IQUB: variants seen among roughly 807,000 people sequenced by gnomAD.
IQUB encodes IQ motif and ubiquitin domain containing.
A neutral mutation model predicts 86.4 loss-of-function variants in IQUB; 86 were observed. The observed-to-expected ratio is 1.00, with a 90% CI of 0.84 to 1.19. The LOEUF is 1.19. IQUB is among the 50% of genes most tolerant of loss of function. IQUB has a pLI of 0.00. For missense variants in IQUB, 946 were observed against 916.9 expected, an observed-to-expected ratio of 1.03 and a Z score of -0.41; for synonymous variants, 289 against 304.5, an observed-to-expected ratio of 0.95 and a Z score of 0.53.
At chr7:123,525,096 G>A (rs935762978) in intron 1 of IQUB, among the ~76,000 whole-genome samples, 2 of 152,106 alleles carry the variant, frequency 1.3e-5, no homozygotes, top group African/African-American at 2.4e-5. Context: ...TGCTGGATTC[G>A]GTTTGCCAGT....
At chr7:123,530,176 C>T (rs1179750707) in intron 1 of IQUB, among the ~76,000 whole-genome samples, 1 of 152,176 alleles carries the variant, frequency 6.6e-6, no homozygotes, top group African/African-American at 2.4e-5. Flanking sequence ...CACTGCATTC[C>T]AGCCTGGGCA....
At position 123,461,625 on chromosome 7, in the gene IQUB, A is replaced by T. The variant is rs770350920; in HGVS notation, c.1759-20T>A. 2 of 1,540,090 alleles carry T rather than the reference A, an allele frequency of 1.3e-6. No individual in the cohort carries two copies. Among genetic ancestry groups the T allele is most frequent in the Non-Finnish European group, 1.7e-6 (2 of 1,145,534 alleles). On this transcript the variant is annotated intron_variant, in intron 10 of 12. Transcript: ENST00000324698. ...AGGGACCTAAATAAATAGTAAAAAAAGAAAAAAAAGGTCTAAAAAGCCAGG... is the reference window on the plus strand; with the variant it reads ...AGGGACCTAAATAAATAGTAAAAAATGAAAAAAAAGGTCTAAAAAGCCAGG...
At position 123,452,218 on chromosome 7, in the gene IQUB, A is replaced by AT. The variant is rs1793452364; in HGVS notation, c.*524dup. On this transcript the variant is annotated 3_prime_UTR_variant, in exon 13 of 13. Coordinates refer to ENST00000324698, the MANE Select transcript of IQUB (RefSeq NM_178827.5). ...TAGTTTCAAGTGTTGTTTTATTGGG[A>AT]TTATGAGAAGGATGGAAGGTGAAAG... Among the ~76,000 whole-genome samples the AT allele has an allele frequency of 6.6e-6, 1 of 152,142 alleles. No homozygotes were observed. Among genetic ancestry groups the AT allele is most frequent in the Non-Finnish European group, 1.5e-5 (1 of 68,030 alleles).
At chr7:123,490,280 C>A (rs1053278248) in intron 7 of IQUB, among the ~76,000 whole-genome samples, 4 of 151,746 alleles carry the variant, frequency 2.6e-5, no homozygotes, top group African/African-American at 9.7e-5. Context: ...GATTTAACAG[C>A]AAAAAATATC....
chr7:123,491,816 T>C (rs372579518), intron 7 of IQUB, among the ~76,000 whole-genome samples: 1 of 152,122 alleles, frequency 6.6e-6, no homozygotes, highest in Non-Finnish European at 1.5e-5. Context: ...CAGAGGAGAT[T>C]AGCATTATCC....
intron 1 of IQUB, among the ~76,000 whole-genome samples, chr7:123,523,410 T>A (rs921489909): frequency 2.0e-5 from 3 of 151,622 alleles, no homozygotes; most frequent in Admixed American, 6.6e-5. Flanking sequence ...TGGTGTGAGA[T>A]GATATCTCAT....
intron 10 of IQUB, among the ~76,000 whole-genome samples, chr7:123,463,902 G>C (rs960743690): frequency 1.3e-5 from 2 of 151,616 alleles, no homozygotes; most frequent in African/African-American, 4.8e-5. Context: ...TGAAACACTG[G>C]TTTGAGTAAG....
intron 8 of IQUB, among the ~76,000 whole-genome samples, chr7:123,474,676 G>A (rs1426635421): frequency 6.6e-6 from 1 of 152,270 alleles, no homozygotes; most frequent in Non-Finnish European, 1.5e-5. Flanking sequence ...TTAAACACTG[G>A]ACTAATTAGG....
Position 123,469,238 on chromosome 7 carries a change from C to T in IQUB, c.1557G>A (p.Leu519=), listed in dbSNP as rs149235052. ...CCTTTACAGTGTGTTTAAGAGTTAA[C>T]AGCACATCCAGCCTCTCATCTTGGG... ...NISQDERLDV[L]LTLKHTVKEH... The change falls in exon 9 of 13, where the codon CTG becomes CTA. Residue 519 remains leucine, a synonymous_variant. Coordinates refer to ENST00000324698, the MANE Select transcript of IQUB (RefSeq NM_178827.5). 2 of 1,597,356 alleles carry T rather than the reference C, an allele frequency of 1.3e-6. No individual in the cohort carries two copies. Among genetic ancestry groups the T allele is most frequent in the Admixed American group, 1.8e-5 (1 of 56,990 alleles).
intron 6 of IQUB, chr7:123,501,528 G>A (rs1177513495): frequency 2.0e-5 from 3 of 152,116 alleles, no homozygotes; most frequent in Non-Finnish European, 4.4e-5. Context: ...TCTAAATTCA[G>A]AAACTATCAG....
At chr7:123,498,898 A>G (rs1351691057) in intron 6 of IQUB, among the ~76,000 whole-genome samples, 3 of 152,194 alleles carry the variant, frequency 2.0e-5, no homozygotes, top group Non-Finnish European at 2.9e-5. Flanking sequence ...CTTTATTACA[A>G]TAGGAGAAGG....
intron 7 of IQUB, among the ~76,000 whole-genome samples, chr7:123,489,352 T>A (rs1795357506): frequency 6.6e-6 from 1 of 152,166 alleles, no homozygotes; most frequent in African/African-American, 2.4e-5. Context: ...TGTGCAGGTT[T>A]TCCTTTACAG....
chr7:123,466,471 CCCTA>C lies in IQUB; in HGVS notation c.1582-1466_1582-1463del, dbSNP rs1183309316. Among the ~76,000 whole-genome samples, 6 of 152,220 alleles carry C rather than the reference CCCTA, an allele frequency of 3.9e-5. No individual in the cohort carries two copies. In the East Asian group the frequency reaches 1.2e-3, roughly 29 times the overall value. The stretch of plus-strand genomic sequence containing the variant: ...ACCTCTGGACCTATTGCTTCTCCCT[CCCTA>C]CCTATCTCTGTCTTTCAAGGTGGGT... On this transcript the variant is annotated intron_variant, in intron 9 of 12. Coordinates refer to ENST00000324698, the MANE Select transcript of IQUB (RefSeq NM_178827.5).
chr7:123,490,501 G>A (rs1795409980), intron 7 of IQUB, among the ~76,000 whole-genome samples: 1 of 152,056 alleles, frequency 6.6e-6, no homozygotes, highest in Admixed American at 6.5e-5. Context: ...TGGGAAATTT[G>A]TAAAAATAAA....
At position 123,502,682 on chromosome 7, in the gene IQUB, A is replaced by ACAC. The variant is rs1795998967; in HGVS notation, c.935_937dup (p.Gly312dup). Reference sequence around the variant, plus strand: ...TTTATCAGTCATATTTGATACATATACACCAATGTTAGTCATCTGTGTGGA... The same window carrying ACAC: ...TTTATCAGTCATATTTGATACATATACACCACCAATGTTAGTCATCTGTGTGGA... On this transcript the variant is annotated inframe_insertion, in exon 6 of 13. Transcript: ENST00000324698. 6.2e-7 allele frequency: 1 copy of ACAC among 1,611,672 alleles called. No individual in the cohort carries two copies. Among genetic ancestry groups the ACAC allele is most frequent in the South Asian group, 1.1e-5 (1 of 90,664 alleles).
In IQUB at chr7:123,452,659, T is replaced by A; in HGVS notation, c.*84A>T. ...AACAAAATCAATAAACAGATTAAAT[T>A]CCATTTCCATACTCTGTGACCTCTG... On this transcript the variant is annotated 3_prime_UTR_variant, in exon 13 of 13. Transcript: ENST00000324698. 1 of 821,792 alleles carries A rather than the reference T, an allele frequency of 1.2e-6. No individual in the cohort carries two copies. Among genetic ancestry groups the A allele is most frequent in the Non-Finnish European group, 1.8e-6 (1 of 558,018 alleles). The allele number at this position is 821,792 out of a possible 1,614,324, so 50.9% of individuals were successfully genotyped here. A position where few individuals can be genotyped will look rare whatever the true frequency, so the allele number is the denominator to read the frequency against.
intron 1 of IQUB, among the ~76,000 whole-genome samples, chr7:123,527,750 G>A (rs1439830323): frequency 6.6e-6 from 1 of 152,130 alleles, no homozygotes; most frequent in East Asian, 1.9e-4. Flanking sequence ...AGTCTGCAGA[G>A]TTTACTGCTG....
intron 8 of IQUB, among the ~76,000 whole-genome samples, chr7:123,478,380 C>G (rs1794840332): frequency 6.6e-6 from 1 of 152,026 alleles, no homozygotes. Context: ...AATGAGAACA[C>G]TTGGACCCAG....
At position 123,464,921 on chromosome 7, in the gene IQUB, A is replaced by C; in HGVS notation, c.1670T>G (p.Leu557Arg). ...LMMRGVKHHN[L>R]EGLRKRIATL... ...CGCAATTCTTTTTCTGAGTCCTTCA[A>C]GGTTATGATGTTTGACTCCTCTCAT... Residue 557 changes from leucine (L) to arginine (R), a missense_variant, in exon 10 of 13, where the codon CTT becomes CGT. Coordinates refer to ENST00000324698, the MANE Select transcript of IQUB (RefSeq NM_178827.5). 6.2e-7 allele frequency: 1 copy of C among 1,606,312 alleles called. No individual in the cohort carries two copies. Among genetic ancestry groups the C allele is most frequent in the Non-Finnish European group, 8.5e-7 (1 of 1,175,884 alleles).
Sources: allele counts gnomAD v4.1 joint callset (sites outside exome capture counted in the v4.1 genomes callset), GRCh38; gene constraint gnomAD v4.1.1; transcripts MANE v1.5; gene names NCBI Gene and HGNC (gene_info 2026-07-23, HGNC 2026-07-21).